IGDCC4: variants seen among roughly 807,000 people sequenced by gnomAD.
The protein encoded by IGDCC4 is likely ortholog of mouse neighbor of Punc E11.
Under a neutral mutation model 116.6 loss-of-function variants are expected in IGDCC4, and 72 were observed. That is an observed-to-expected ratio of 0.62 (90% confidence interval 0.51 to 0.75). The LOEUF is 0.75. Ranked by LOEUF, IGDCC4 falls within the 30% of genes least tolerant of loss-of-function variation. The pLI is 0.00. For synonymous variants in IGDCC4, 709 were observed against 719.9 expected (o/e 0.98, Z 0.24); for missense variants, 1,501 against 1,662.4 (o/e 0.90, Z 1.69).
chr15:65,408,114 A>G (rs1215203151), intron 3 of IGDCC4, among the ~76,000 whole-genome samples: 2 of 152,206 alleles, frequency 1.3e-5, no homozygotes, highest in Non-Finnish European at 2.9e-5. Context: ...TATCAATTAA[A>G]AGTAAATAGA....
In IGDCC4 at chr15:65,397,347, A is replaced by C. The variant is rs141049708; in HGVS notation, c.842-358T>G. Among the ~76,000 whole-genome samples the C allele has an allele frequency of 4.1e-3, 617 of 152,328 alleles. 1 individual carries two copies. Among genetic ancestry groups the C allele is most frequent in the Non-Finnish European group, 6.8e-3 (460 of 68,026 alleles). ...GGGGTCCCAGCCCAGTACTATGATG[A>C]AGCTAGGGCTGGTAAGGTCGGACCA... On this transcript the variant is annotated intron_variant, in intron 5 of 19. Coordinates refer to ENST00000352385, the MANE Select transcript of IGDCC4 (RefSeq NM_020962.3).
intron 15 of IGDCC4, 22 bp from the exon 16 acceptor site, chr15:65,388,608 A>G: frequency 6.2e-7 from 1 of 1,613,564 alleles, no homozygotes; most frequent in South Asian, 1.1e-5. Context: ...GGAGGCAGGG[A>G]GAGCAGGGAT....
chr15:65,391,845 G>A, intron 12 of IGDCC4, 35 bp downstream of exon 12: 3 of 1,585,308 alleles, frequency 1.9e-6, no homozygotes, highest in Admixed American at 1.7e-5. Context: ...GCCCTCACCT[G>A]AGCCCTCCCC....
Position 65,402,492 on chromosome 15 carries a change from G to C in IGDCC4, c.564-5C>G. 1 of 1,565,664 alleles carries C rather than the reference G, an allele frequency of 6.4e-7. No individual in the cohort carries two copies. Among genetic ancestry groups the C allele is most frequent in the Non-Finnish European group, 8.7e-7 (1 of 1,154,238 alleles). ...CCGTTGGGAAGCACGATGAGCCTTG[G>C]GAAGAGGGGAGCAGGCAACTGTGAG... is the stretch of plus-strand genomic sequence containing the variant. On this transcript the variant is annotated splice_region_variant and splice_polypyrimidine_tract_variant and intron_variant, in intron 3 of 19. Transcript: ENST00000352385.
chr15:65,410,620 G>A, intron 2 of IGDCC4: 1 of 492,054 alleles, frequency 2.0e-6, no homozygotes, highest in Non-Finnish European at 3.7e-6. Context: ...TGCCTCCTGA[G>A]AGCCCCCTAA....
At chr15:65,392,112 C>T in intron 11 of IGDCC4, 22 bp downstream of exon 11, 1 of 1,523,530 alleles carries the variant, frequency 6.6e-7, no homozygotes, top group Non-Finnish European at 9.0e-7. Context: ...CCCTCCCTCC[C>T]CCTCCCCCCA....
chr15:65,395,881 C>A lies in IGDCC4; in HGVS notation c.1280G>T (p.Gly427Val), dbSNP rs780180178. 1 of 1,587,824 alleles carries A rather than the reference C, an allele frequency of 6.3e-7. No individual in the cohort carries two copies. Among genetic ancestry groups the A allele is most frequent in the South Asian group, 1.1e-5 (1 of 88,980 alleles). Reference sequence around the variant, plus strand: ...GACCCGCGTGGGGGCGCTGGGCAGCCCCTCGCGCACCACCACGGCCAGCGA... The same window carrying A: ...GACCCGCGTGGGGGCGCTGGGCAGCACCTCGCGCACCACCACGGCCAGCGA... ...AASLAVVVRE[G>V]LPSAPTRVTA... Residue 427 changes from glycine to valine, a missense_variant, in exon 7 of 20, where the codon GGG becomes GTG. Physicochemically the swap from Gly to Val is moderately radical, Grantham distance 109. Transcript: ENST00000352385.
At position 65,402,318 on chromosome 15, in the gene IGDCC4, C is replaced by G. The variant is rs1249547764; in HGVS notation, c.700+33G>C. ...CTCTGAGGTGGCTGGTTCCAGAAACCCCCAGGTTTCCCCACCCAGCCAGCC... is the reference window on the plus strand; with the variant it reads ...CTCTGAGGTGGCTGGTTCCAGAAACGCCCAGGTTTCCCCACCCAGCCAGCC... On this transcript the variant is annotated intron_variant, in intron 4 of 19. Coordinates refer to ENST00000352385, the MANE Select transcript of IGDCC4 (RefSeq NM_020962.3). 3.9e-6 allele frequency: 6 copies of G among 1,552,364 alleles called. No individual in the cohort carries two copies. In the African/African-American group the frequency reaches 8.2e-5, roughly 21 times the overall value.
intron 16 of IGDCC4, among the ~76,000 whole-genome samples, chr15:65,388,176 G>A (rs1055881660): frequency 6.6e-6 from 1 of 151,824 alleles, no homozygotes; most frequent in African/African-American, 2.4e-5. Context: ...CCTGGGAGGC[G>A]GAGGTTGCAG....
At chr15:65,417,618 C>A (rs1030278818) in intron 1 of IGDCC4, among the ~76,000 whole-genome samples, 1 of 152,116 alleles carries the variant, frequency 6.6e-6, no homozygotes, top group Admixed American at 6.5e-5. Context: ...CGGGGGGAGA[C>A]GGAGTCTCAC....
chr15:65,394,432 C>T lies in IGDCC4; in HGVS notation c.1693G>A (p.Glu565Lys). The T allele has an allele frequency of 3.7e-6, 6 of 1,614,092 alleles. No homozygotes were observed. Among genetic ancestry groups the T allele is most frequent in the Non-Finnish European group, 5.1e-6 (6 of 1,180,010 alleles). ...TCACCTTCCTTTCCCAAACCGTATT[C>T]TATCTTGTACTTCACCACCTGCCCA... Reference protein sequence around the residue: ...SNGQVVKYKIEYGLGKEDQIF... With the variant: ...SNGQVVKYKIKYGLGKEDQIF... The change falls in exon 9 of 20, where the codon GAA (glutamate) becomes AAA (lysine). Residue 565 changes from glutamate to lysine, a missense_variant. This residue lies in a region of IGDCC4 where 898 missense variants were observed against 978.9 expected (regional missense o/e 0.92). Coordinates refer to ENST00000352385, the MANE Select transcript of IGDCC4 (RefSeq NM_020962.3).
chr15:65,388,542 G>T lies in IGDCC4; in HGVS notation c.2752C>A (p.Arg918=). ...CGCGCCCCCATCTTGAAGAAGTACC[G>T]AGTGTCGCTCTCCAGGCCATGGACC... ...AEVHGLESDT[R]YFFKMGARTE... is the part of the protein sequence containing the mutation. Residue 918 remains arginine, a synonymous_variant, in exon 16 of 20, where the codon CGG becomes AGG. Transcript: ENST00000352385. 3 of 1,614,152 alleles carry T rather than the reference G, an allele frequency of 1.9e-6. No homozygotes were observed. The highest frequency in any genetic ancestry group is 2.5e-6 in the Non-Finnish European group (3 of 1,180,048).
chr15:65,412,921 ATCTCTCTC>A (rs372790909), intron 1 of IGDCC4, among the ~76,000 whole-genome samples: 9 of 145,232 alleles, frequency 6.2e-5, no homozygotes, highest in Non-Finnish European at 1.3e-4. Flanking sequence ...ACATATATAG[ATCTCTCTC>A]TCTCTCTCTC....
At chr15:65,402,522 G>A in intron 3 of IGDCC4, 35 bp from the exon 4 acceptor site, 2 of 1,555,912 alleles carry the variant, frequency 1.3e-6, no homozygotes, top group Non-Finnish European at 8.7e-7. Context: ...TGTGAGGTGG[G>A]CAGGGGGGCC....
At chr15:65,389,758 C>T (rs1159419894) in intron 13 of IGDCC4, among the ~76,000 whole-genome samples, 1 of 152,188 alleles carries the variant, frequency 6.6e-6, no homozygotes, top group Non-Finnish European at 1.5e-5. Flanking sequence ...ATGCGACTTT[C>T]CTCCGCCAAA....
chr15:65,384,228 G>C lies in IGDCC4; in HGVS notation c.3534C>G (p.Ala1178=), dbSNP rs1287223663. Reference sequence around the variant, plus strand: ...ACCCTCCCAACTCCCTGTCCAGCCAGGCTGCCCCCTGCCCTGGATCCCCAA... The same window carrying C: ...ACCCTCCCAACTCCCTGTCCAGCCACGCTGCCCCCTGCCCTGGATCCCCAA... ...SGVGDPGQGA[A]WLDRELGGCE... The change falls in exon 20 of 20, where the codon GCC becomes GCG. Residue 1178 remains alanine, a synonymous_variant. Coordinates refer to ENST00000352385, the MANE Select transcript of IGDCC4 (RefSeq NM_020962.3). This position sits in a 1 kb window ranked among gnomAD's most constrained non-coding sequence, Gnocchi z 4.9. 1.2e-6 allele frequency: 2 copies of C among 1,600,964 alleles called. No individual in the cohort carries two copies. The highest frequency in any genetic ancestry group is 3.4e-5 in the Admixed American group (2 of 59,442).
At chr15:65,420,838 G>A (rs1420694621) in intron 1 of IGDCC4, among the ~76,000 whole-genome samples, 3 of 152,086 alleles carry the variant, frequency 2.0e-5, no homozygotes, top group Non-Finnish European at 2.9e-5. Flanking sequence ...TTCCCAGATC[G>A]GTGTAGGAGC....
chr15:65,415,747 G>T (rs2063136511), intron 1 of IGDCC4, among the ~76,000 whole-genome samples: 1 of 152,128 alleles, frequency 6.6e-6, no homozygotes, highest in African/African-American at 2.4e-5. Flanking sequence ...TGAATAAGAG[G>T]GTTCTCTCTG....
intron 1 of IGDCC4, 138 bp downstream of exon 1, chr15:65,422,655 T>G: frequency 1.8e-6 from 1 of 570,016 alleles, no homozygotes; most frequent in East Asian, 5.2e-5. Context: ...CGCGCAGGCA[T>G]CGCGGGCACC....
Sources: allele counts gnomAD v4.1 joint callset (sites outside exome capture counted in the v4.1 genomes callset), GRCh38; gene constraint gnomAD v4.1.1; regional missense constraint gnomAD v4.1.1; non-coding constraint Gnocchi (gnomAD v3.1); transcripts MANE v1.5; gene names NCBI Gene and HGNC (gene_info 2026-07-23, HGNC 2026-07-21).